CPD: variants seen among roughly 807,000 people sequenced by gnomAD.
The protein encoded by CPD is metallocarboxypeptidase D.
In CPD, 69 loss-of-function variants were observed where a neutral mutation model predicts 138.3. The observed-to-expected ratio is 0.50, with a 90% CI of 0.41 to 0.61. CPD has a LOEUF of 0.61. CPD is among the 20% of genes least tolerant of loss of function. The probability of loss-of-function intolerance (pLI) is 0.00; values close to 1 mark genes in which losing one functional copy is unlikely to be tolerated. For synonymous variants in CPD, 651 were observed against 642.1 expected, an observed-to-expected ratio of 1.01 and a Z score of -0.21; for missense variants, 1,432 against 1,733.3, an observed-to-expected ratio of 0.83 and a Z score of 3.09.
chr17:30,460,670 G>A (rs923567470), intron 17 of CPD, among the ~76,000 whole-genome samples: 1 of 152,170 alleles, frequency 6.6e-6, no homozygotes, highest in Admixed American at 6.5e-5. Flanking sequence ...GGAAAAGGTG[G>A]TAAGTTGGGT....
At position 30,465,346 on chromosome 17, in the gene CPD, C is replaced by G. The variant is rs890230139; in HGVS notation, c.*532C>G. 6.4e-6 allele frequency: 1 copy of G among 155,532 alleles called. No homozygotes were observed. Among genetic ancestry groups the G allele is most frequent in the East Asian group, 1.9e-4 (1 of 5,252 alleles). 9.6% of individuals were successfully genotyped at this position (155,532 alleles called of 1,614,324 possible). ...TGGAGGTTGAATTGATTTTTAAACA[C>G]ATATAACAGTAGGAAATGAATAAAT... On this transcript the variant is annotated 3_prime_UTR_variant, in exon 21 of 21. Transcript: ENST00000225719.
intron 6 of CPD, among the ~76,000 whole-genome samples, chr17:30,424,652 G>A (rs1277252632): frequency 6.6e-6 from 1 of 152,208 alleles, no homozygotes; most frequent in Non-Finnish European, 1.5e-5. Context: ...TACTCCCTCT[G>A]CATATTCCAG....
At chr17:30,412,298 C>A (rs189832930) in intron 2 of CPD, among the ~76,000 whole-genome samples, 15 of 152,348 alleles carry the variant, frequency 9.8e-5, no homozygotes, top group African/African-American at 3.6e-4. Context: ...TCGGCCCCTA[C>A]TGGGAGGTGT....
chr17:30,407,135 A>G (rs1221177743), intron 2 of CPD, among the ~76,000 whole-genome samples: 1 of 152,180 alleles, frequency 6.6e-6, no homozygotes, highest in African/African-American at 2.4e-5. Context: ...GTCCCTGCAA[A>G]GGACATGAAC....
In CPD at chr17:30,455,461, G is replaced by A. The variant is rs764924929; in HGVS notation, c.3328G>A (p.Val1110Ile). The change falls in exon 15 of 21, where the codon GTA becomes ATA. Residue 1110 changes from valine (V) to isoleucine (I), a missense_variant. Physicochemically the swap from Val to Ile is conservative, Grantham distance 29. Coordinates refer to ENST00000225719, the MANE Select transcript of CPD (RefSeq NM_001304.5). ...GGTCACATATCCTTATGACAAGCCA[G>A]TACAGACAGGTATGTAGAATGTCAT... is the stretch of plus-strand genomic sequence containing the variant. ...MLVTYPYDKP[V>I]QTVENKETLK... 4 of 1,611,012 alleles carry A rather than the reference G, an allele frequency of 2.5e-6. No homozygotes were observed. In the South Asian group the frequency reaches 4.4e-5, roughly 18 times the overall value.
In CPD at chr17:30,444,143, C is replaced by T. The variant is rs201214591; in HGVS notation, c.2543+172C>T. ...CTCCTTTAGTGGCAGATAGAGTACA[C>T]GAAAAAAAAAAAAAGGAAAGATTCC... On this transcript the variant is annotated intron_variant, in intron 11 of 20. Coordinates refer to ENST00000225719, the MANE Select transcript of CPD (RefSeq NM_001304.5). The T allele has an allele frequency of 2.1e-5, 9 of 428,438 alleles. No individual in the cohort carries two copies. In the South Asian group the frequency reaches 2.4e-4, roughly 11 times the overall value. 26.5% of individuals were successfully genotyped at this position (428,438 alleles called of 1,614,324 possible).
intron 11 of CPD, among the ~76,000 whole-genome samples, chr17:30,444,581 T>C (rs2143473271): frequency 6.8e-6 from 1 of 146,712 alleles, no homozygotes; most frequent in Admixed American, 7.0e-5. Context: ...CTGGAGTGCA[T>C]GGCACTATCT....
chr17:30,434,331 C>T (rs1301709573), intron 8 of CPD, among the ~76,000 whole-genome samples: 2 of 152,252 alleles, frequency 1.3e-5, no homozygotes, highest in Admixed American at 6.5e-5. Context: ...CTATCATGCA[C>T]CTACCCCACC....
intron 2 of CPD, among the ~76,000 whole-genome samples, chr17:30,386,813 T>C (rs1300188125): frequency 2.0e-5 from 3 of 152,384 alleles, no homozygotes; most frequent in African/African-American, 7.2e-5. Context: ...CTGAATAATA[T>C]TCCTTGAATG....
intron 2 of CPD, among the ~76,000 whole-genome samples, chr17:30,388,552 C>G (rs1156955572): frequency 2.0e-5 from 3 of 152,208 alleles, no homozygotes; most frequent in African/African-American, 4.8e-5. Context: ...AACCCCAATC[C>G]CGGATAGGAG....
In CPD at chr17:30,439,430, T is replaced by C. The variant is rs570925014; in HGVS notation, c.2230+353T>C. On this transcript the variant is annotated intron_variant, in intron 9 of 20. Coordinates refer to ENST00000225719, the MANE Select transcript of CPD (RefSeq NM_001304.5). ...TTTCTTTTCTTTTTTTATTATACTTTAGGTTTTAGGGTACATGTGCACATT... is the reference window on the plus strand; with the variant it reads ...TTTCTTTTCTTTTTTTATTATACTTCAGGTTTTAGGGTACATGTGCACATT... Among the ~76,000 whole-genome samples, 304 of 148,232 alleles carry C rather than the reference T, an allele frequency of 2.1e-3. 1 individual carries two copies. The highest frequency in any genetic ancestry group is 7.3e-3 in the African/African-American group (292 of 40,128).
chr17:30,430,958 C>T (rs1490484965), intron 7 of CPD, among the ~76,000 whole-genome samples: 1 of 152,104 alleles, frequency 6.6e-6, no homozygotes, highest in Non-Finnish European at 1.5e-5. Flanking sequence ...TACGCAGCCC[C>T]TGTATTCAGT....
intron 2 of CPD, among the ~76,000 whole-genome samples, chr17:30,414,500 A>G (rs199786074): frequency 7.9e-5 from 12 of 151,834 alleles, no homozygotes; most frequent in Admixed American, 3.9e-4. Context: ...GGAGAATGGC[A>G]TGAATCCGGG....
In CPD at chr17:30,449,656, A is replaced by G. The variant is rs752276070; in HGVS notation, c.2977A>G (p.Ile993Val). 3.1e-6 allele frequency: 5 copies of G among 1,608,582 alleles called. No individual in the cohort carries two copies. The highest frequency in any genetic ancestry group is 1.7e-5 in the Admixed American group (1 of 58,342). ...ACCAAAGATTCGTTTTGTTGCTGGT[A>G]TCCATGGAAATGCGCCAGTTGGAAC... ...EEPKIRFVAG[I>V]HGNAPVGTEL... Residue 993 changes from isoleucine to valine, a missense_variant, in exon 13 of 21, where the codon ATC (isoleucine) becomes GTC (valine). Transcript: ENST00000225719.
intron 2 of CPD, among the ~76,000 whole-genome samples, chr17:30,415,404 A>T (rs748210109): frequency 1.3e-4 from 20 of 152,214 alleles, no homozygotes; most frequent in Non-Finnish European, 2.8e-4. Context: ...TCTGACTCAC[A>T]AATCACTGTG....
chr17:30,384,226 T>G (rs1911123606), intron 1 of CPD, among the ~76,000 whole-genome samples: 1 of 152,204 alleles, frequency 6.6e-6, no homozygotes, highest in Admixed American at 6.5e-5. Context: ...TTTCTTTGTT[T>G]GTTTTTTTCC....
intron 2 of CPD, among the ~76,000 whole-genome samples, chr17:30,389,944 A>C (rs1034027771): frequency 1.3e-5 from 2 of 152,072 alleles, no homozygotes; most frequent in African/African-American, 4.8e-5. Flanking sequence ...GGGTGAATTC[A>C]TTGTGTTTAG....
intron 1 of CPD, among the ~76,000 whole-genome samples, chr17:30,383,548 A>G (rs1279050963): frequency 6.6e-6 from 1 of 152,158 alleles, no homozygotes; most frequent in Non-Finnish European, 1.5e-5. Flanking sequence ...TTATAATTAT[A>G]TTAGTTTTTA....
intron 7 of CPD, among the ~76,000 whole-genome samples, chr17:30,430,517 A>G (rs1567876910): frequency 6.6e-6 from 1 of 152,216 alleles, no homozygotes; most frequent in Non-Finnish European, 1.5e-5. Flanking sequence ...ACATATGTAT[A>G]TATCAATATC....
Sources: gnomAD v4.1 joint callset for allele counts (sites outside exome capture counted in the v4.1 genomes callset) on GRCh38, gnomAD v4.1.1 for gene constraint, MANE v1.5 for transcripts, NCBI Gene and HGNC (gene_info 2026-07-23, HGNC 2026-07-21) for gene names.